Variants in SNAP91 observed in about 807,000 individuals in gnomAD.
SNAP91 encodes clathrin coat assembly protein AP180.
SNAP91 carries 27 observed loss-of-function variants against 100.3 expected under a neutral mutation model. The observed-to-expected ratio is 0.27, with a 90% CI of 0.20 to 0.37. SNAP91 has a LOEUF of 0.37. SNAP91 is among the 10% of genes least tolerant of loss of function. SNAP91 has a pLI of 1.00. For missense variants in SNAP91, 986 were observed against 1,123.7 expected (o/e 0.88, Z 1.75); for synonymous variants, 404 against 398.6 (o/e 1.01, Z -0.16).
intron 9 of SNAP91, among the ~76,000 whole-genome samples, chr6:83,621,296 C>T (rs2096718031): frequency 6.6e-6 from 1 of 152,098 alleles, no homozygotes; most frequent in African/African-American, 2.4e-5. Context: ...ATGATCTTTT[C>T]TTTTTAATGG....
chr6:83,662,402 A>C lies in SNAP91; in HGVS notation c.294T>G (p.Ala98=), dbSNP rs759726806. ...HGNERFIQYL[A]SRNTLFNLSN... is the part of the protein sequence containing the mutation. ...TGAGATTGAATAGTGTATTTCTAGA[A>C]GCCAAATATTGAATAAATCTCTGAA... Residue 98 remains alanine (A), a synonymous_variant, in exon 4 of 30, where the codon GCT becomes GCG. Coordinates refer to ENST00000369694, the MANE Select transcript of SNAP91 (RefSeq NM_001242792.2). 1 of 1,391,130 alleles carries C rather than the reference A, an allele frequency of 7.2e-7. No homozygotes were observed. The highest frequency in any genetic ancestry group is 9.6e-7 in the Non-Finnish European group (1 of 1,037,966). The allele number at this position is 1,391,130 out of a possible 1,614,324, so 86.2% of individuals were successfully genotyped here. A position where few individuals can be genotyped will look rare whatever the true frequency, so the allele number is the denominator to read the frequency against.
intron 2 of SNAP91, among the ~76,000 whole-genome samples, chr6:83,694,962 A>G (rs910503737): frequency 2.0e-5 from 3 of 152,088 alleles, no homozygotes; most frequent in Non-Finnish European, 4.4e-5. Context: ...ATGGGCGTAC[A>G]CATACTTTAA....
chr6:83,662,428 A>G lies in SNAP91; in HGVS notation c.274-6T>C. 8.4e-7 allele frequency: 1 copy of G among 1,192,676 alleles called. No homozygotes were observed. 73.9% of individuals were successfully genotyped at this position (1,192,676 alleles called of 1,614,324 possible). ...GCCAAATATTGAATAAATCTCTGAAAAACAAAAATTAGAATTAAACACACA... is the reference window on the plus strand; with the variant it reads ...GCCAAATATTGAATAAATCTCTGAAGAACAAAAATTAGAATTAAACACACA... On this transcript the variant is annotated splice_polypyrimidine_tract_variant and splice_region_variant and intron_variant, in intron 3 of 29. Coordinates refer to ENST00000369694, the MANE Select transcript of SNAP91 (RefSeq NM_001242792.2).
At chr6:83,620,496 C>T (rs1293933620) in intron 9 of SNAP91, among the ~76,000 whole-genome samples, 1 of 152,214 alleles carries the variant, frequency 6.6e-6, no homozygotes, top group East Asian at 1.9e-4. Context: ...AATTCACATG[C>T]TAGCCCAGAC....
At chr6:83,608,206 T>C (rs1562320435) in intron 12 of SNAP91, among the ~76,000 whole-genome samples, 1 of 152,118 alleles carries the variant, frequency 6.6e-6, no homozygotes, top group Non-Finnish European at 1.5e-5. Flanking sequence ...TTTCTTGTCA[T>C]CCTAAAAAGA....
intron 5 of SNAP91, among the ~76,000 whole-genome samples, chr6:83,660,191 G>T (rs1247323618): frequency 6.6e-6 from 1 of 152,196 alleles, no homozygotes; most frequent in African/African-American, 2.4e-5. Flanking sequence ...TGGACCTACT[G>T]CAGAGGTCAC....
intron 6 of SNAP91, among the ~76,000 whole-genome samples, chr6:83,658,164 T>C (rs547426071): frequency 6.6e-6 from 1 of 152,258 alleles, no homozygotes; most frequent in African/African-American, 2.4e-5. Context: ...AAAGCTCCCA[T>C]ATACCATTTA....
At chr6:83,709,255 G>T, upstream of SNAP91, 1 of 152,318 alleles carries the variant, frequency 6.6e-6, no homozygotes, top group Non-Finnish European at 1.5e-5. Flanking sequence ...TTAAAGGCGA[G>T]GGGGCGCCTC....
chr6:83,648,588 T>C (rs893945618), intron 7 of SNAP91, among the ~76,000 whole-genome samples: 10 of 152,298 alleles, frequency 6.6e-5, no homozygotes, highest in African/African-American at 2.2e-4. Flanking sequence ...CAGATGTGTA[T>C]AGGAGTTCCA....
intron 2 of SNAP91, among the ~76,000 whole-genome samples, chr6:83,667,501 CT>C (rs971139944): frequency 6.6e-6 from 1 of 151,142 alleles, no homozygotes; most frequent in Non-Finnish European, 1.5e-5. Flanking sequence ...CTTTTCACTG[CT>C]TTTTTTTGAG....
intron 2 of SNAP91, among the ~76,000 whole-genome samples, chr6:83,671,593 C>A (rs2098787680): frequency 6.6e-6 from 1 of 151,950 alleles, no homozygotes; most frequent in Non-Finnish European, 1.5e-5. Flanking sequence ...ATCAGTCTCT[C>A]TTTTTGGTAG....
At chr6:83,562,384 T>A (rs953074162) in intron 26 of SNAP91, among the ~76,000 whole-genome samples, 1 of 152,168 alleles carries the variant, frequency 6.6e-6, no homozygotes, top group African/African-American at 2.4e-5. Context: ...ATATGAAAAT[T>A]AACCAATGCA....
intron 12 of SNAP91, among the ~76,000 whole-genome samples, chr6:83,609,804 AC>A (rs995708379): frequency 6.6e-6 from 1 of 152,212 alleles, no homozygotes; most frequent in African/African-American, 2.4e-5. Flanking sequence ...GGATTTCTCT[AC>A]CTTTGAAACA....
At chr6:83,608,517 A>G (rs551139604) in intron 12 of SNAP91, among the ~76,000 whole-genome samples, 1 of 152,190 alleles carries the variant, frequency 6.6e-6, no homozygotes, top group Non-Finnish European at 1.5e-5. Context: ...TTCACAAGAG[A>G]AAGATTAATG....
chr6:83,621,942 T>TTAAAAA lies in SNAP91; in HGVS notation c.807+1358_807+1359insTTTTTA, dbSNP rs796904398. ...ATGTGGATTATTTTTTAAAATGTAC[T>TTAAAAA]ATAAATTTTACTAAAAATGATTAGT... On this transcript the variant is annotated intron_variant, in intron 9 of 29. Coordinates refer to ENST00000369694, the MANE Select transcript of SNAP91 (RefSeq NM_001242792.2). Among the ~76,000 whole-genome samples, 15 of 152,238 alleles carry TTAAAAA rather than the reference T, an allele frequency of 9.9e-5. No individual in the cohort carries two copies. The South Asian group carries it at 3.1e-3, about 31-fold the overall frequency.
intron 22 of SNAP91, among the ~76,000 whole-genome samples, chr6:83,590,653 G>A (rs1342835551): frequency 1.3e-5 from 2 of 151,986 alleles, no homozygotes; most frequent in African/African-American, 4.8e-5. Flanking sequence ...CATATATTAC[G>A]AAATCTATTT....
intron 16 of SNAP91, 148 bp downstream of exon 16, chr6:83,601,123 G>A (rs536809705): frequency 6.0e-5 from 40 of 662,674 alleles, no homozygotes; most frequent in African/African-American, 5.1e-4. Flanking sequence ...GATGAATTTA[G>A]TGAAGATAAA....
chr6:83,620,634 C>T (rs886660158), intron 9 of SNAP91, among the ~76,000 whole-genome samples: 2 of 152,130 alleles, frequency 1.3e-5, no homozygotes, highest in African/African-American at 4.8e-5. Flanking sequence ...CCAAAAGAAA[C>T]CACAGTATTA....
chr6:83,574,100 T>C (rs1247374987), intron 26 of SNAP91, among the ~76,000 whole-genome samples: 1 of 152,172 alleles, frequency 6.6e-6, no homozygotes, highest in Non-Finnish European at 1.5e-5. Flanking sequence ...TGATGAATGA[T>C]GATTAAGAAT....
Sources: gnomAD v4.1 joint callset for allele counts (sites outside exome capture counted in the v4.1 genomes callset) on GRCh38, gnomAD v4.1.1 for gene constraint, MANE v1.5 for transcripts, NCBI Gene and HGNC (gene_info 2026-07-23, HGNC 2026-07-21) for gene names.